Variants in TAB2 observed in about 807,000 individuals in gnomAD.
The protein encoded by TAB2 is TGF-beta-activated kinase 1 and MAP3K7-binding protein 2.
In TAB2, 3 loss-of-function variants were observed where a neutral mutation model predicts 65.0. The observed-to-expected ratio is 0.05, with a 90% CI of 0.02 to 0.12. TAB2 has a LOEUF of 0.12. Ranked by LOEUF, TAB2 falls within the 10% of genes least tolerant of loss-of-function variation. The probability of loss-of-function intolerance (pLI) is 1.00; values close to 1 mark genes in which losing one functional copy is unlikely to be tolerated. For missense variants in TAB2, 623 were observed against 840.3 expected, an observed-to-expected ratio of 0.74 and a Z score of 3.20; for synonymous variants, 298 against 285.1, an observed-to-expected ratio of 1.05 and a Z score of -0.46.
chr6:149,263,656 C>A (rs1583054132), intron 1 of TAB2, among the ~76,000 whole-genome samples: 2 of 152,196 alleles, frequency 1.3e-5, no homozygotes, highest in East Asian at 3.8e-4. Context: ...AAGTTTCCCC[C>A]AAATGGTGAA....
chr6:149,278,182 A>T (rs117767840), intron 1 of TAB2, among the ~76,000 whole-genome samples: 1 of 152,338 alleles, frequency 6.6e-6, no homozygotes, highest in Non-Finnish European at 1.5e-5. Flanking sequence ...CATTCCAAGC[A>T]ACATATTATT....
Position 149,263,635 on chromosome 6 carries a change from C to T in TAB2, c.-121+44859C>T, listed in dbSNP as rs189086717. On this transcript the variant is annotated intron_variant, in intron 1 of 1. Coordinates refer to the TAB2 transcript ENST00000606202. ...AGATGAACAGAATATTCCAAATGAA[C>T]GGCATGAACAAAGTTTCCCCCAAAT... Among the ~76,000 whole-genome samples, 272 of 152,336 alleles carry T rather than the reference C, an allele frequency of 1.8e-3. 2 individuals carry two copies. Among genetic ancestry groups the T allele is most frequent in the African/African-American group, 6.1e-3 (253 of 41,564 alleles).
chr6:149,397,951 C>G lies in TAB2; in HGVS notation c.1765-18C>G. 1 of 1,609,464 alleles carries G rather than the reference C, an allele frequency of 6.2e-7. No individual in the cohort carries two copies. The highest frequency in any genetic ancestry group is 8.5e-7 in the Non-Finnish European group (1 of 1,177,054). On this transcript the variant is annotated intron_variant, in intron 4 of 6. Coordinates refer to ENST00000637181, the MANE Select transcript of TAB2 (RefSeq NM_001292034.3). ...AAGAATTCAGTGCAAATCTTACTTA[C>G]ATAGAATTATTTTTCAGCTTGAAGA...
upstream of TAB2, among the ~76,000 whole-genome samples, chr6:149,316,934 G>C (rs1171141473): frequency 6.6e-6 from 1 of 151,874 alleles, no homozygotes; most frequent in Admixed American, 6.6e-5. Flanking sequence ...CCCGTTAGCC[G>C]GCGGTGCGAT....
chr6:149,229,537 A>G (rs1292376939), intron 1 of TAB2, among the ~76,000 whole-genome samples: 2 of 151,958 alleles, frequency 1.3e-5, no homozygotes, highest in East Asian at 1.9e-4. Flanking sequence ...GCAGACCTAC[A>G]CTGTGCAGAA....
intron 1 of TAB2, among the ~76,000 whole-genome samples, chr6:149,309,212 G>A (rs530516): frequency 0.45 from 67,508 of 151,662 alleles, 15,494 homozygotes; most frequent in African/African-American, 0.58. Flanking sequence ...TCAAGATTAT[G>A]ACAATCATAG....
chr6:149,343,052 G>A (rs1279682365), intron 1 of TAB2, among the ~76,000 whole-genome samples: 1 of 151,914 alleles, frequency 6.6e-6, no homozygotes, highest in Non-Finnish European at 1.5e-5. Flanking sequence ...GCAAACTAAT[G>A]CAAAAACATA....
At chr6:149,319,322 T>C (rs1289916013) in intron 1 of TAB2, among the ~76,000 whole-genome samples, 1 of 152,238 alleles carries the variant, frequency 6.6e-6, no homozygotes, top group African/African-American at 2.4e-5. Context: ...AAAATATCTT[T>C]ACATTCTTTG....
intron 1 of TAB2, among the ~76,000 whole-genome samples, chr6:149,344,233 C>T (rs1483365552): frequency 6.6e-6 from 1 of 152,170 alleles, no homozygotes; most frequent in Non-Finnish European, 1.5e-5. Flanking sequence ...AATATCAAGT[C>T]TTAGTTATTT....
intron 1 of TAB2, among the ~76,000 whole-genome samples, chr6:149,328,016 CAAG>C (rs1779668733): frequency 6.6e-6 from 1 of 152,124 alleles, no homozygotes; most frequent in African/African-American, 2.4e-5. Context: ...GCAAGTGGAA[CAAG>C]AAGTAAGTGC....
At chr6:149,318,906 G>C (rs1779347630) in intron 1 of TAB2, 1 of 152,364 alleles carries the variant, frequency 6.6e-6, no homozygotes, top group East Asian at 1.9e-4. Context: ...TTTCTGATAA[G>C]AGGGTTTTCC....
chr6:149,365,923 T>G (rs751148724), intron 1 of TAB2, among the ~76,000 whole-genome samples: 2 of 152,164 alleles, frequency 1.3e-5, no homozygotes, highest in Non-Finnish European at 2.9e-5. Flanking sequence ...TTTTCAGTTA[T>G]TTTATTTTTT....
intron 1 of TAB2, among the ~76,000 whole-genome samples, chr6:149,250,946 C>A (rs1032481933): frequency 6.6e-6 from 1 of 152,146 alleles, no homozygotes; most frequent in African/African-American, 2.4e-5. Flanking sequence ...TTGTTTTCTC[C>A]GAAACCTCGC....
At chr6:149,329,434 G>T (rs976418996) in intron 1 of TAB2, among the ~76,000 whole-genome samples, 6 of 152,216 alleles carry the variant, frequency 3.9e-5, no homozygotes, top group African/African-American at 1.4e-4. Flanking sequence ...ACAGACCAGG[G>T]TTGCAACAGG....
chr6:149,261,073 T>C (rs1407387533), intron 1 of TAB2, among the ~76,000 whole-genome samples: 1 of 152,216 alleles, frequency 6.6e-6, no homozygotes, highest in Non-Finnish European at 1.5e-5. Flanking sequence ...TTTCATCCAC[T>C]TTCTCCAAAT....
At chr6:149,267,861 C>T (rs1327553695) in intron 1 of TAB2, among the ~76,000 whole-genome samples, 2 of 151,938 alleles carry the variant, frequency 1.3e-5, no homozygotes, top group African/African-American at 4.8e-5. Context: ...ACATAGAAAA[C>T]GTACAGTGAA....
rs746637120 is a variant in TAB2 at position 149,275,234 on chromosome 6, G to GAGAAAGAAAGAA, written c.-121+56514_-121+56525dup. Among the ~76,000 whole-genome samples, 647 of 65,394 alleles carry GAGAAAGAAAGAA rather than the reference G, an allele frequency of 9.9e-3. 8 individuals are homozygous for GAGAAAGAAAGAA. The highest frequency in any genetic ancestry group is 0.016 in the South Asian group (32 of 1,968). 42.9% of individuals were successfully genotyped at this position (65,394 alleles called of 152,430 possible). On this transcript the variant is annotated intron_variant, in intron 1 of 1. Transcript: ENST00000606202. ...TTGGGCGGGGGAGGGGGGAGAGAGA[G>GAGAAAGAAAGAA]AGAAAGAAAGAAAGAAAGAAAGAAA...
At chr6:149,339,590 TTTATTTATTTA>T (rs779804031) in intron 1 of TAB2, among the ~76,000 whole-genome samples, 3 of 13,206 alleles carry the variant, frequency 2.3e-4, no homozygotes, top group African/African-American at 5.1e-4. Context: ...ATCTTTTTTA[TTTATTTATTTA>T]TTTATTTTTT....
At chr6:149,248,394 A>T (rs1053984419) in intron 1 of TAB2, among the ~76,000 whole-genome samples, 1 of 151,834 alleles carries the variant, frequency 6.6e-6, no homozygotes, top group Non-Finnish European at 1.5e-5. Flanking sequence ...TATGTCAAAA[A>T]AAGAGAGAGA....
Sources: allele counts gnomAD v4.1 joint callset (sites outside exome capture counted in the v4.1 genomes callset), GRCh38; gene constraint gnomAD v4.1.1; transcripts MANE v1.5; gene names NCBI Gene and HGNC (gene_info 2026-07-23, HGNC 2026-07-21).